The following NBEA variants were observed in gnomAD, a reference collection of about 807,000 sequenced individuals.
NBEA encodes the protein lysosomal-trafficking regulator 2.
NBEA carries 44 observed loss-of-function variants against 343.4 expected under a neutral mutation model. The observed-to-expected ratio is 0.13, with a 90% CI of 0.10 to 0.16. NBEA has a LOEUF of 0.16. Among genes scored for constraint, NBEA ranks in the 10% least tolerant of loss-of-function variants. The pLI is 1.00. For missense variants in NBEA, 2,555 were observed against 3,631.3 expected (o/e 0.70, Z 7.62); for synonymous variants, 1,175 against 1,238.7 (o/e 0.95, Z 1.08).
intron 38 of NBEA, among the ~76,000 whole-genome samples, chr13:35,403,773 A>G (rs1382661761): frequency 6.6e-6 from 1 of 152,068 alleles, no homozygotes; most frequent in East Asian, 1.9e-4. Flanking sequence ...ATTAAACTAA[A>G]GAGCTTCTGC....
intron 38 of NBEA, among the ~76,000 whole-genome samples, chr13:35,389,970 A>AGAGTGTGTGT (rs1555249983): frequency 2.9e-5 from 4 of 138,050 alleles, no homozygotes; most frequent in South Asian, 2.5e-4. Flanking sequence ...TCTTTTGTAG[A>AGAGTGTGTGT]GTGTGTGTGT....
At chr13:35,503,821 G>T (rs150630322) in intron 41 of NBEA, among the ~76,000 whole-genome samples, 1 of 152,030 alleles carries the variant, frequency 6.6e-6, no homozygotes, top group Non-Finnish European at 1.5e-5. Flanking sequence ...CTGATTAACT[G>T]ATCATCACAC....
intron 1 of NBEA, among the ~76,000 whole-genome samples, chr13:34,959,823 A>G (rs765488791): frequency 4.3e-4 from 65 of 152,280 alleles, no homozygotes; most frequent in Non-Finnish European, 8.8e-4. Context: ...ACAATGCATC[A>G]TTCACTGTGG....
At chr13:35,466,883 A>G (rs1433206089) in intron 40 of NBEA, among the ~76,000 whole-genome samples, 2 of 152,152 alleles carry the variant, frequency 1.3e-5, no homozygotes, top group East Asian at 3.9e-4. Context: ...CTTTGCTACT[A>G]TGATTTTTTT....
intron 1 of NBEA, among the ~76,000 whole-genome samples, chr13:35,040,538 T>G (rs1048513627): frequency 2.6e-5 from 4 of 152,130 alleles, no homozygotes; most frequent in African/African-American, 9.6e-5. Context: ...TCTGTAAGAC[T>G]AGTAATGTCA....
chr13:35,230,421 C>T (rs774730357), intron 33 of NBEA, among the ~76,000 whole-genome samples: 3 of 152,070 alleles, frequency 2.0e-5, no homozygotes, highest in Admixed American at 6.6e-5. Context: ...AGCTATGATG[C>T]AACCCTCCAT....
At chr13:35,441,743 C>T (rs2045746933) in intron 39 of NBEA, among the ~76,000 whole-genome samples, 1 of 147,334 alleles carries the variant, frequency 6.8e-6, no homozygotes, top group South Asian at 2.1e-4. Context: ...ATGCTATCTG[C>T]AAGATGGAAA....
intron 1 of NBEA, among the ~76,000 whole-genome samples, chr13:35,026,957 A>G (rs2062039016): frequency 1.3e-5 from 2 of 151,952 alleles, no homozygotes; most frequent in Non-Finnish European, 2.9e-5. Context: ...TGTCTTTATT[A>G]TGTTGTCATT....
chr13:35,134,657 A>T (rs968510194), intron 17 of NBEA, among the ~76,000 whole-genome samples: 3 of 152,180 alleles, frequency 2.0e-5, no homozygotes, highest in Admixed American at 6.5e-5. Context: ...TAAAGTTAGA[A>T]GAACTTTGTA....
At chr13:35,557,277 C>T (rs1464620141) in intron 44 of NBEA, among the ~76,000 whole-genome samples, 1 of 152,116 alleles carries the variant, frequency 6.6e-6, no homozygotes, top group Non-Finnish European at 1.5e-5. Flanking sequence ...CAGTTTCCCA[C>T]AGTGTGGTAC....
At chr13:35,538,602 C>T (rs1183906981) in intron 41 of NBEA, among the ~76,000 whole-genome samples, 9 of 152,204 alleles carry the variant, frequency 5.9e-5, no homozygotes, top group African/African-American at 1.9e-4. Flanking sequence ...ACAGTCAATG[C>T]AGGCTTTCAG....
chr13:35,602,429 C>T (rs1477531777), intron 47 of NBEA, among the ~76,000 whole-genome samples: 1 of 152,180 alleles, frequency 6.6e-6, no homozygotes, highest in Non-Finnish European at 1.5e-5. Flanking sequence ...CTTCACAAAA[C>T]TCCAAACTAT....
intron 36 of NBEA, among the ~76,000 whole-genome samples, chr13:35,318,040 C>T (rs533452914): frequency 1.3e-5 from 2 of 152,292 alleles, no homozygotes; most frequent in South Asian, 4.1e-4. Context: ...ATCATGTCAT[C>T]TGCAAATAGA....
chr13:35,509,881 A>G lies in NBEA; in HGVS notation c.6585+37345A>G, dbSNP rs543349225. 9.2e-5 allele frequency among the ~76,000 whole-genome samples: 14 copies of G among 152,272 alleles called. No individual in the cohort carries two copies. The South Asian group carries it at 2.7e-3, about 29-fold the overall frequency. ...ACTATGAAAAGGGTTGTTTCAGCAGATTGTCAAGGGCTTAAGGATATTAAG... is the reference window on the plus strand; with the variant it reads ...ACTATGAAAAGGGTTGTTTCAGCAGGTTGTCAAGGGCTTAAGGATATTAAG... On this transcript the variant is annotated intron_variant, in intron 41 of 58. Coordinates refer to ENST00000379939, the MANE Select transcript of NBEA (RefSeq NM_001385012.1).
At chr13:35,471,771 CTG>C (rs2075658069) in intron 40 of NBEA, among the ~76,000 whole-genome samples, 1 of 152,154 alleles carries the variant, frequency 6.6e-6, no homozygotes. Context: ...GATATATTCT[CTG>C]TAAGAAAATG....
chr13:34,975,572 G>A (rs554703988), intron 1 of NBEA, among the ~76,000 whole-genome samples: 214 of 152,114 alleles, frequency 1.4e-3, no homozygotes, highest in African/African-American at 4.7e-3. Context: ...CAAAAACCAA[G>A]ACAAATAGAT....
chr13:35,564,033 C>T (rs2080014839), intron 44 of NBEA, among the ~76,000 whole-genome samples: 1 of 151,890 alleles, frequency 6.6e-6, no homozygotes, highest in Non-Finnish European at 1.5e-5. Flanking sequence ...TTACCTTCCT[C>T]CTTCCCTCTA....
At chr13:35,607,944 T>C (rs763578481) in intron 48 of NBEA, among the ~76,000 whole-genome samples, 1 of 152,168 alleles carries the variant, frequency 6.6e-6, no homozygotes, top group Non-Finnish European at 1.5e-5. Context: ...TCTCCATTGA[T>C]TTGACTATTC....
At chr13:35,614,388 C>T (rs2082648791) in intron 48 of NBEA, among the ~76,000 whole-genome samples, 1 of 152,130 alleles carries the variant, frequency 6.6e-6, no homozygotes, top group Non-Finnish European at 1.5e-5. Flanking sequence ...TTATTTTCTA[C>T]TTTCTTCTTC....
Sources: gnomAD v4.1 joint callset for allele counts (sites outside exome capture counted in the v4.1 genomes callset) on GRCh38, gnomAD v4.1.1 for gene constraint, MANE v1.5 for transcripts, NCBI Gene and HGNC (gene_info 2026-07-23, HGNC 2026-07-21) for gene names.